OSBPL3: variants seen among roughly 807,000 people sequenced by gnomAD.
The protein encoded by OSBPL3 is oxysterol binding protein like 3.
A neutral mutation model predicts 120.1 loss-of-function variants in OSBPL3; 65 were observed. The observed-to-expected ratio is 0.54, with a 90% CI of 0.44 to 0.67. The LOEUF is 0.67. OSBPL3 is among the 30% of genes least tolerant of loss of function. The probability of loss-of-function intolerance (pLI) is 0.00; values close to 1 mark genes in which losing one functional copy is unlikely to be tolerated. For missense variants in OSBPL3, 1,004 were observed against 1,082.1 expected (o/e 0.93, Z 1.01); for synonymous variants, 416 against 402.6 (o/e 1.03, Z -0.40).
intron 1 of OSBPL3, among the ~76,000 whole-genome samples, chr7:24,973,074 T>A (rs1817205493): frequency 6.6e-6 from 1 of 152,184 alleles, no homozygotes; most frequent in African/African-American, 2.4e-5. Context: ...CTGTCAGAGA[T>A]CCTCTGCCAA....
At position 24,922,805 on chromosome 7, in the gene OSBPL3, C is replaced by A. The variant is rs1230437320; in HGVS notation, c.-149-30184G>T. On this transcript the variant is annotated intron_variant, in intron 1 of 22. Transcript: ENST00000313367. The surrounding 1 kb of genome is among the most constrained non-coding windows in gnomAD (Gnocchi z 4.3). ...CTCTGTCCAACCCTGTCCCTGCTGC[C>A]CTCACCCTCTTGGTGAAAGTGACAG... is the stretch of plus-strand genomic sequence containing the variant. Among the ~76,000 whole-genome samples, 3 of 152,094 alleles carry A rather than the reference C, an allele frequency of 2.0e-5. No individual in the cohort carries two copies. Among genetic ancestry groups the A allele is most frequent in the Non-Finnish European group, 4.4e-5 (3 of 68,032 alleles).
In OSBPL3 at chr7:24,798,560, TGA is replaced by T. The variant is rs375919094; in HGVS notation, c.*1621_*1622del. ...TCGATAAAATGAATCCAATATTTAA[TGA>T]GTTGTTTTAAAATGCCAGTCACGTG... On this transcript the variant is annotated 3_prime_UTR_variant, in exon 23 of 23. Transcript: ENST00000313367. The surrounding 1 kb of genome is among the most constrained non-coding windows in gnomAD (Gnocchi z 4.6). 28 of 152,370 alleles carry T rather than the reference TGA, an allele frequency of 1.8e-4. 1 individual carries two copies. In the East Asian group the frequency reaches 4.8e-3, roughly 26 times the overall value. 9.4% of individuals were successfully genotyped at this position (152,370 alleles called of 1,614,324 possible).
At chr7:24,841,743 C>T (rs1407018004) in intron 13 of OSBPL3, among the ~76,000 whole-genome samples, 7 of 141,226 alleles carry the variant, frequency 5.0e-5, no homozygotes, top group Non-Finnish European at 7.5e-5. Context: ...CAGTGGCTCA[C>T]GCCTGTAATC....
rs1390012109 is a variant in OSBPL3, at chr7:24,815,015, C to T, written c.2172+44G>A. ...CTGTGCTCTGGGGCCCTGGCTCTGC[C>T]ACAGCCCTTCCAGGGTCAGAGCTCA... On this transcript the variant is annotated intron_variant, in intron 19 of 22. Transcript: ENST00000313367. This position sits in a 1 kb window ranked among gnomAD's most constrained non-coding sequence, Gnocchi z 5.1. The T allele has an allele frequency of 6.2e-7, 1 of 1,605,608 alleles. No homozygotes were observed. The highest frequency in any genetic ancestry group is 8.5e-7 in the Non-Finnish European group (1 of 1,173,230).
intron 1 of OSBPL3, among the ~76,000 whole-genome samples, chr7:24,957,614 T>TCTTAAAAAATACA (rs1167664614): frequency 6.6e-6 from 1 of 152,200 alleles, no homozygotes; most frequent in African/African-American, 2.4e-5. Flanking sequence ...CACTTAATGT[T>TCTTAAAAAATACA]CTCTAATATC....
At position 24,819,080 on chromosome 7, in the gene OSBPL3, C is replaced by A. The variant is rs111539627; in HGVS notation, c.1948+1095G>T. Among the ~76,000 whole-genome samples the A allele has an allele frequency of 1.3e-5, 2 of 151,910 alleles. No individual in the cohort carries two copies. Among genetic ancestry groups the A allele is most frequent in the African/African-American group, 4.8e-5 (2 of 41,332 alleles). ...CCATCCTGGCCAACATGGTGAAACC[C>A]CATCTCTACTAAAAATACAAAAATT... On this transcript the variant is annotated intron_variant, in intron 17 of 22. Transcript: ENST00000313367. The surrounding 1 kb of genome is among the most constrained non-coding windows in gnomAD (Gnocchi z 4.1).
intron 1 of OSBPL3, among the ~76,000 whole-genome samples, chr7:24,921,999 T>C (rs1208385317): frequency 6.6e-6 from 1 of 152,236 alleles, no homozygotes; most frequent in Non-Finnish European, 1.5e-5. Flanking sequence ...TTTCACCACC[T>C]TTATGTCTCA....
chr7:24,915,974 G>A (rs1346677435), intron 1 of OSBPL3, among the ~76,000 whole-genome samples: 1 of 152,202 alleles, frequency 6.6e-6, no homozygotes, highest in South Asian at 2.1e-4. Context: ...GGGGAAATTA[G>A]AGCTACAGAG....
Position 24,886,525 on chromosome 7 carries a change from T to A in OSBPL3, c.96+5852A>T, listed in dbSNP as rs528781808. On this transcript the variant is annotated intron_variant, in intron 2 of 22. Transcript: ENST00000313367. ...TTTGCTCCCGCATGTTCTCCATGTATACCTGGCCATACATTCTCACCTGCC... is the reference window on the plus strand; with the variant it reads ...TTTGCTCCCGCATGTTCTCCATGTAAACCTGGCCATACATTCTCACCTGCC... Among the ~76,000 whole-genome samples the A allele has an allele frequency of 4.6e-4, 70 of 152,352 alleles. 3 individuals are homozygous for A. The highest frequency in any genetic ancestry group is 4.5e-3 in the Admixed American group (69 of 15,300).
intron 1 of OSBPL3, chr7:24,917,826 C>T (rs576659317): frequency 6.6e-6 from 1 of 152,176 alleles, no homozygotes; most frequent in Non-Finnish European, 1.5e-5. Flanking sequence ...TATGTTGGCA[C>T]ATTAAAGGCT....
At position 24,797,154 on chromosome 7, in the gene OSBPL3, G is replaced by A. The variant is rs1451088935; in HGVS notation, c.*3029C>T. 6.6e-6 allele frequency: 1 copy of A among 152,124 alleles called. No homozygotes were observed. Among genetic ancestry groups the A allele is most frequent in the Non-Finnish European group, 1.5e-5 (1 of 68,038 alleles). 9.4% of individuals were successfully genotyped at this position (152,124 alleles called of 1,614,324 possible). A position where few individuals can be genotyped will look rare whatever the true frequency, so the allele number is the denominator to read the frequency against. On this transcript the variant is annotated 3_prime_UTR_variant, in exon 23 of 23. Transcript: ENST00000313367. The surrounding 1 kb of genome is among the most constrained non-coding windows in gnomAD (Gnocchi z 4.8). ...CAAATAAAAACTTTATTACTTTTTA[G>A]GCTTGACATCTTTAACAGTAGAACA...
At chr7:24,981,234 C>G (rs1409315975), upstream of OSBPL3, among the ~76,000 whole-genome samples, 1 of 152,204 alleles carries the variant, frequency 6.6e-6, no homozygotes, top group Non-Finnish European at 1.5e-5. This position sits in a 1 kb window ranked among gnomAD's most constrained non-coding sequence, Gnocchi z 7.3. Context: ...TGGTTTAGCG[C>G]GTGATGGGGC....
rs940795705 is a variant in OSBPL3 at position 24,877,967 on chromosome 7, G to A, written c.97-5898C>T. 3.9e-5 allele frequency among the ~76,000 whole-genome samples: 6 copies of A among 152,154 alleles called. No homozygotes were observed. The highest frequency in any genetic ancestry group is 6.5e-5 in the Admixed American group (1 of 15,276). ...GGAGAGAGAAACATGGGAGGGGTTG[G>A]GGGATGTGGCTTCTTAAGGTTTTTG... On this transcript the variant is annotated intron_variant, in intron 2 of 22. Coordinates refer to ENST00000313367, the MANE Select transcript of OSBPL3 (RefSeq NM_015550.4). This position sits in a 1 kb window ranked among gnomAD's most constrained non-coding sequence, Gnocchi z 4.8.
In OSBPL3 at chr7:24,939,817, G is replaced by A. The variant is rs893419758; in HGVS notation, c.-150+40069C>T. 1.3e-5 allele frequency among the ~76,000 whole-genome samples: 2 copies of A among 152,002 alleles called. No individual in the cohort carries two copies. Among genetic ancestry groups the A allele is most frequent in the Non-Finnish European group, 2.9e-5 (2 of 68,002 alleles). ...GAAGGGGGAAAAAATCAGTAACAGG[G>A]GGCTATAACTAAAGTTAGGAGGGTG... On this transcript the variant is annotated intron_variant, in intron 1 of 22. Transcript: ENST00000313367. The surrounding 1 kb of genome is among the most constrained non-coding windows in gnomAD (Gnocchi z 4.2).
chr7:24,979,549 C>T (rs905806992), intron 1 of OSBPL3, among the ~76,000 whole-genome samples: 13 of 152,210 alleles, frequency 8.5e-5, no homozygotes, highest in African/African-American at 2.7e-4. Flanking sequence ...AGCGCCTCCC[C>T]GCTGCCCAGG....
Position 24,803,772 on chromosome 7 carries a change from GA to G in OSBPL3, c.2567+542del, listed in dbSNP as rs542201431. Among the ~76,000 whole-genome samples the G allele has an allele frequency of 3.8e-4, 55 of 144,260 alleles. No individual in the cohort carries two copies. The highest frequency in any genetic ancestry group is 1.8e-3 in the East Asian group (9 of 4,946). 94.6% of individuals were successfully genotyped at this position (144,260 alleles called of 152,430 possible). A position where few individuals can be genotyped will look rare whatever the true frequency, so the allele number is the denominator to read the frequency against. Reference sequence around the variant, plus strand: ...GGTGACAGAGCGAGACTCTGTATCAGAAAAAAAAAAAATTATATCTATTTTA... The same window carrying G: ...GGTGACAGAGCGAGACTCTGTATCAGAAAAAAAAAAATTATATCTATTTTA... On this transcript the variant is annotated intron_variant, in intron 22 of 22. Coordinates refer to ENST00000313367, the MANE Select transcript of OSBPL3 (RefSeq NM_015550.4). This position sits in a 1 kb window ranked among gnomAD's most constrained non-coding sequence, Gnocchi z 4.2.
At chr7:24,810,277 C>T (rs1377764141) in intron 19 of OSBPL3, 3 of 190,780 alleles carry the variant, frequency 1.6e-5, no homozygotes, top group Admixed American at 1.1e-4. Flanking sequence ...GTAATCCCAG[C>T]ACTTTGGAGA....
At chr7:24,800,384 T>C (rs910267791) in intron 22 of OSBPL3, 105 bp from the exon 23 acceptor site, 27 of 659,934 alleles carry the variant, frequency 4.1e-5, no homozygotes, top group Admixed American at 3.9e-4. Flanking sequence ...CATTCCCACA[T>C]GCATTCAGCG....
chr7:24,865,973 G>A lies in OSBPL3; in HGVS notation c.549+97C>T, dbSNP rs142438268. On this transcript the variant is annotated intron_variant, in intron 6 of 22. Transcript: ENST00000313367. Reference sequence around the variant, plus strand: ...GCCCAAGCCTACCCTGCTTGTCCCCGAAAACTTTTCCTTCTTCGGACTCAG... The same window carrying A: ...GCCCAAGCCTACCCTGCTTGTCCCCAAAAACTTTTCCTTCTTCGGACTCAG... 131 of 956,372 alleles carry A rather than the reference G, an allele frequency of 1.4e-4. No homozygotes were observed. In the East Asian group the frequency reaches 3.0e-3, roughly 22 times the overall value. The allele number at this position is 956,372 out of a possible 1,614,324, so 59.2% of individuals were successfully genotyped here.
Sources: allele counts gnomAD v4.1 joint callset (sites outside exome capture counted in the v4.1 genomes callset), GRCh38; gene constraint gnomAD v4.1.1; non-coding constraint Gnocchi (gnomAD v3.1); transcripts MANE v1.5; gene names NCBI Gene and HGNC (gene_info 2026-07-23, HGNC 2026-07-21).